Variants in SCAF11 observed in about 807,000 individuals in gnomAD.
The protein encoded by SCAF11 is protein SCAF11.
A neutral mutation model predicts 140.5 loss-of-function variants in SCAF11; 47 were observed. That is an observed-to-expected ratio of 0.33 (90% confidence interval 0.26 to 0.43). SCAF11 has a LOEUF of 0.43. Ranked by LOEUF, SCAF11 falls within the 20% of genes least tolerant of loss-of-function variation. The pLI, the probability that SCAF11 is intolerant of heterozygous loss-of-function variation, is 1.00. For synonymous variants in SCAF11, 557 were observed against 579.4 expected, an observed-to-expected ratio of 0.96 and a Z score of 0.55; for missense variants, 1,645 against 1,705.1, an observed-to-expected ratio of 0.96 and a Z score of 0.62.
At position 45,926,941 on chromosome 12, in the gene SCAF11, C is replaced by T. The variant is rs1241923680; in HGVS notation, c.2760G>A (p.Gly920=). ...TTCTCCTTTCTCTCTCTCTCCTCTG[C>T]CCATCTCTATCACTTTCTCGTTCTC... ...QSRERESDRD[G]QRRERERRTR... The change falls in exon 11 of 15, where the codon GGG becomes GGA. Residue 920 remains glycine (G), a synonymous_variant. Transcript: ENST00000369367. 1 of 1,612,634 alleles carries T rather than the reference C, an allele frequency of 6.2e-7. No homozygotes were observed. Among genetic ancestry groups the T allele is most frequent in the Non-Finnish European group, 8.5e-7 (1 of 1,179,994 alleles).
At chr12:45,947,038 A>G (rs1291621) in intron 5 of SCAF11, among the ~76,000 whole-genome samples, 149,997 of 152,300 alleles carry the variant, frequency 0.98, 73,878 homozygotes, top group East Asian at 1. Context: ...ATAAATTAGT[A>G]ATAGGTTGAA....
At chr12:45,948,134 T>C (rs903821323) in intron 5 of SCAF11, among the ~76,000 whole-genome samples, 1 of 152,180 alleles carries the variant, frequency 6.6e-6, no homozygotes, top group African/African-American at 2.4e-5. Context: ...GTCCTCACTA[T>C]GTTCCCCAGG....
intron 3 of SCAF11, 129 bp downstream of exon 3, chr12:45,961,571 A>G: frequency 1.3e-6 from 1 of 759,606 alleles, no homozygotes; most frequent in South Asian, 2.3e-5. Flanking sequence ...TTTGAATAAT[A>G]CAAGGAAATT....
At position 45,961,857 on chromosome 12, in the gene SCAF11, C is replaced by T. The variant is rs1375347612; in HGVS notation, c.62G>A (p.Gly21Asp). 2 of 1,597,282 alleles carry T rather than the reference C, an allele frequency of 1.3e-6. No homozygotes were observed. The highest frequency in any genetic ancestry group is 1.7e-6 in the Non-Finnish European group (2 of 1,173,130). The change falls in exon 3 of 15, where the codon GGT becomes GAT. Residue 21 changes from glycine (G) to aspartate (D), a missense_variant and splice_region_variant. By Grantham distance (94) the Gly-to-Asp change is moderately conservative (BLOSUM62 -1). Around this residue, in one of 2 missense-constraint regions of SCAF11, gnomAD observed 1,582 missense variants for 1,609.2 expected, o/e 0.98. Transcript: ENST00000369367. ...MGDKKYEDME[G>D]EENGDNTIST... is the part of the protein sequence containing the mutation. ...AATAGTATTATCTCCGTTTTCTTCA[C>T]CTGTTAAAGTAAAACAGCCATATGT...
intron 6 of SCAF11, among the ~76,000 whole-genome samples, chr12:45,942,696 T>C (rs984188276): frequency 2.0e-5 from 3 of 152,220 alleles, no homozygotes; most frequent in Non-Finnish European, 4.4e-5. Flanking sequence ...CTTAACTTCT[T>C]ACTTCTTGAA....
In SCAF11 at chr12:45,926,669, T is replaced by G. The variant is rs1248775550; in HGVS notation, c.3032A>C (p.Asn1011Thr). 1.2e-6 allele frequency: 2 copies of G among 1,613,916 alleles called. No homozygotes were observed. The highest frequency in any genetic ancestry group is 2.2e-5 in the South Asian group (2 of 91,080). Residue 1011 changes from asparagine to threonine, a missense_variant, in exon 11 of 15, where the codon AAT becomes ACT. This residue lies in a region of SCAF11 where 1,582 missense variants were observed against 1,609.2 expected (regional missense o/e 0.98). Coordinates refer to ENST00000369367, the MANE Select transcript of SCAF11 (RefSeq NM_004719.3). Reference protein sequence around the residue: ...NDIHLDADDPNSADKHRNDCP... With the variant: ...NDIHLDADDPTSADKHRNDCP... ...GTCATTTCTATGTTTGTCAGCAGAA[T>G]TTGGATCATCAGCATCTAGATGGAT... is the stretch of plus-strand genomic sequence containing the variant.
In SCAF11 at chr12:45,934,444, A is replaced by C. The variant is rs1178170581; in HGVS notation, c.522+3T>G. ...AAAAAGATTTTTCTTGGTTTCAACA[A>C]ACCTTATTTATCTTTATTGCTGCAT... On this transcript the variant is annotated splice_donor_region_variant and intron_variant, in intron 7 of 14. Transcript: ENST00000369367. 4 of 1,590,002 alleles carry C rather than the reference A, an allele frequency of 2.5e-6. No homozygotes were observed. The East Asian group carries it at 9.0e-5, about 36-fold the overall frequency.
At chr12:45,935,553 T>C (rs1267412790) in intron 6 of SCAF11, among the ~76,000 whole-genome samples, 1 of 152,224 alleles carries the variant, frequency 6.6e-6, no homozygotes, top group Non-Finnish European at 1.5e-5. Context: ...CAGCTAGACA[T>C]AGAATTGCTG....
rs372919788 is a variant in SCAF11, at chr12:45,952,372, A to G, written c.220-645T>C. The stretch of plus-strand genomic sequence containing the variant: ...GCCTTATCCTTAACAGAATAATATG[A>G]ATAAGAGTTTTTTACTTTACATTTC... On this transcript the variant is annotated intron_variant, in intron 3 of 14. Coordinates refer to ENST00000369367, the MANE Select transcript of SCAF11 (RefSeq NM_004719.3). Among the ~76,000 whole-genome samples, 346 of 152,284 alleles carry G rather than the reference A, an allele frequency of 2.3e-3. 12 individuals are homozygous for G. The South Asian group carries it at 0.067, about 30-fold the overall frequency.
At chr12:45,986,191 C>G (rs1158582707) in intron 1 of SCAF11, among the ~76,000 whole-genome samples, 1 of 152,148 alleles carries the variant, frequency 6.6e-6, no homozygotes, top group East Asian at 1.9e-4. Context: ...AGCCAATACT[C>G]TTCCTCTGAA....
At chr12:45,969,183 G>A (rs1946017672) in intron 1 of SCAF11, among the ~76,000 whole-genome samples, 1 of 152,192 alleles carries the variant, frequency 6.6e-6, no homozygotes, top group Non-Finnish European at 1.5e-5. Flanking sequence ...CCTGTTTCAA[G>A]TTATATTTGG....
At position 45,990,518 on chromosome 12, in the gene SCAF11, C is replaced by G. The variant is rs1946573429; in HGVS notation, c.-187G>C. ...CGCTGGCTCGGTCCGGAGGCGGCGG[C>G]GAAGCAGGGAGCGACCCAGGTTGCG... On this transcript the variant is annotated 5_prime_UTR_variant, in exon 1 of 15. Coordinates refer to ENST00000369367, the MANE Select transcript of SCAF11 (RefSeq NM_004719.3). The G allele has an allele frequency of 8.1e-7, 1 of 1,231,802 alleles. No homozygotes were observed. The highest frequency in any genetic ancestry group is 4.1e-5 in the South Asian group (1 of 24,328). 76.3% of individuals were successfully genotyped at this position (1,231,802 alleles called of 1,614,324 possible). A position where few individuals can be genotyped will look rare whatever the true frequency, so the allele number is the denominator to read the frequency against.
In SCAF11 at chr12:45,924,846, A is replaced by T; in HGVS notation, c.3788T>A (p.Leu1263His). Residue 1263 changes from leucine (L) to histidine (H), a missense_variant, in exon 12 of 15, where the codon CTC becomes CAC. Physicochemically the swap from Leu to His is moderately conservative, Grantham distance 99. This residue lies in a region of SCAF11 where 1,582 missense variants were observed against 1,609.2 expected (regional missense o/e 0.98). Transcript: ENST00000369367. ...ACTGGTAGGAGTGGCTACCTGCATGAGGGGCACTCCTGTGTGGAGATGCAA... is the reference window on the plus strand; with the variant it reads ...ACTGGTAGGAGTGGCTACCTGCATGTGGGGCACTCCTGTGTGGAGATGCAA... ...LPLHLHTGVP[L>H]MQVATPTSVS... 6.2e-7 allele frequency: 1 copy of T among 1,614,010 alleles called. No individual in the cohort carries two copies. Among genetic ancestry groups the T allele is most frequent in the South Asian group, 1.1e-5 (1 of 91,070 alleles).
rs1184754818 is a variant in SCAF11, at chr12:45,926,654, T to C, written c.3047A>G (p.His1016Arg). The C allele has an allele frequency of 6.2e-7, 1 of 1,614,000 alleles. No individual in the cohort carries two copies. The highest frequency in any genetic ancestry group is 1.1e-5 in the South Asian group (1 of 91,086). ...DADDPNSADK[H>R]RNDCPNWITE... ...TATCCAATTGGGACAGTCATTTCTATGTTTGTCAGCAGAATTTGGATCATC... is the reference window on the plus strand; with the variant it reads ...TATCCAATTGGGACAGTCATTTCTACGTTTGTCAGCAGAATTTGGATCATC... The change falls in exon 11 of 15, where the codon CAT (histidine) becomes CGT (arginine). Residue 1016 changes from histidine to arginine, a missense_variant. His to Arg is a conservative substitution (Grantham distance 29). Around this residue, in one of 2 missense-constraint regions of SCAF11, gnomAD observed 1,582 missense variants for 1,609.2 expected, o/e 0.98. Transcript: ENST00000369367.
At chr12:45,968,929 G>T (rs1270225398) in intron 1 of SCAF11, among the ~76,000 whole-genome samples, 3 of 152,080 alleles carry the variant, frequency 2.0e-5, no homozygotes, top group Non-Finnish European at 4.4e-5. Flanking sequence ...CCATCTTAAA[G>T]AACACCCAAA....
chr12:45,945,148 A>G (rs1025352302), intron 6 of SCAF11, 101 bp downstream of exon 6: 3 of 763,290 alleles, frequency 3.9e-6, no homozygotes, highest in African/African-American at 1.8e-5. Flanking sequence ...TCTGAGGACT[A>G]TTTTCCAGCC....
rs1946114946 is a variant in SCAF11, at chr12:45,972,881, GATATATATATAGAT to G, written c.-21-8707_-21-8694del. The stretch of plus-strand genomic sequence containing the variant: ...ATATATATCGATATATATATATATA[GATATATATATAGAT>G]ATATATATATATAGATATATATATA... On this transcript the variant is annotated intron_variant, in intron 1 of 14. Transcript: ENST00000369367. Among the ~76,000 whole-genome samples, 22 of 18,948 alleles carry G rather than the reference GATATATATATAGAT, an allele frequency of 1.2e-3. 2 individuals are homozygous for G. In the South Asian group the frequency reaches 0.014, roughly 12 times the overall value. 12.4% of individuals were successfully genotyped at this position (18,948 alleles called of 152,430 possible). A position where few individuals can be genotyped will look rare whatever the true frequency, so the allele number is the denominator to read the frequency against.
At chr12:45,941,807 A>C (rs1945308200) in intron 6 of SCAF11, among the ~76,000 whole-genome samples, 1 of 152,170 alleles carries the variant, frequency 6.6e-6, no homozygotes, top group African/African-American at 2.4e-5. Context: ...CCCTTGAACA[A>C]CATGTGTTTG....
At chr12:45,938,350 A>C (rs1945217980) in intron 6 of SCAF11, among the ~76,000 whole-genome samples, 1 of 152,092 alleles carries the variant, frequency 6.6e-6, no homozygotes. Flanking sequence ...TTAGCCGGGC[A>C]TGATGGCGGG....
Sources: gnomAD v4.1 joint callset for allele counts (sites outside exome capture counted in the v4.1 genomes callset) on GRCh38, gnomAD v4.1.1 for gene constraint, gnomAD v4.1.1 regional missense constraint, MANE v1.5 for transcripts, NCBI Gene and HGNC (gene_info 2026-07-23, HGNC 2026-07-21) for gene names.